Variants in AUH observed in about 807,000 individuals in gnomAD.
AUH encodes AU RNA binding methylglutaconyl-CoA hydratase, also known as methylglutaconyl-CoA hydratase, mitochondrial.
A neutral mutation model predicts 42.3 loss-of-function variants in AUH; 29 were observed. The ratio of observed to expected loss-of-function variants is 0.69; its 90% CI spans 0.51 to 0.93. AUH has a LOEUF of 0.93. Among genes scored for constraint, AUH ranks in the 40% least tolerant of loss-of-function variants. The pLI is 0.00. For missense variants in AUH, 452 were observed against 438.1 expected, an observed-to-expected ratio of 1.03 and a Z score of -0.28; for synonymous variants, 174 against 166.4, an observed-to-expected ratio of 1.05 and a Z score of -0.35.
chr9:91,297,131 T>C (rs937897123), intron 5 of AUH, among the ~76,000 whole-genome samples: 3 of 152,202 alleles, frequency 2.0e-5, no homozygotes, highest in African/African-American at 7.2e-5. Context: ...TACGTTGCTC[T>C]CATGAGGTAA....
At chr9:91,233,427 T>G (rs1364130210) in intron 6 of AUH, among the ~76,000 whole-genome samples, 2 of 152,140 alleles carry the variant, frequency 1.3e-5, no homozygotes, top group Non-Finnish European at 2.9e-5. Context: ...CAAAAGGACC[T>G]GGGGTTTACT....
chr9:91,230,915 C>T (rs7031965), intron 6 of AUH, among the ~76,000 whole-genome samples: 208 of 152,144 alleles, frequency 1.4e-3, no homozygotes, highest in Middle Eastern at 0.01. Flanking sequence ...GCCCGTTCTC[C>T]GATCTCCAGC....
intron 1 of AUH, chr9:91,357,421 A>G (rs1036724409): frequency 2.4e-6 from 2 of 842,340 alleles, no homozygotes; most frequent in African/African-American, 3.7e-5. Context: ...CAGTTTCCTC[A>G]GGAAGAAAAT....
chr9:91,303,494 C>G (rs1170476418), intron 4 of AUH, among the ~76,000 whole-genome samples: 1 of 152,138 alleles, frequency 6.6e-6, no homozygotes, highest in Non-Finnish European at 1.5e-5. Flanking sequence ...CTACGCCCAG[C>G]TAATTTTTTG....
At chr9:91,326,003 T>C (rs1829944968) in intron 3 of AUH, among the ~76,000 whole-genome samples, 1 of 152,200 alleles carries the variant, frequency 6.6e-6, no homozygotes, top group African/African-American at 2.4e-5. Flanking sequence ...TTCATAATTA[T>C]GACTTTAGCA....
chr9:91,267,571 G>C (rs532031919), intron 6 of AUH, among the ~76,000 whole-genome samples: 9 of 152,054 alleles, frequency 5.9e-5, no homozygotes, highest in Admixed American at 2.0e-4. Flanking sequence ...AGAGTCTTCC[G>C]CAAGTGGAAA....
intron 6 of AUH, among the ~76,000 whole-genome samples, chr9:91,270,458 G>A (rs558756185): frequency 6.6e-6 from 1 of 152,212 alleles, no homozygotes; most frequent in South Asian, 2.1e-4. Flanking sequence ...AATAGATCCT[G>A]GACAGCTAAA....
At chr9:91,322,638 T>A (rs955323906) in intron 4 of AUH, among the ~76,000 whole-genome samples, 2 of 152,230 alleles carry the variant, frequency 1.3e-5, no homozygotes, top group African/African-American at 4.8e-5. Context: ...TAAAATGATT[T>A]GTTCTGTATA....
At chr9:91,266,091 G>A (rs374668303) in intron 6 of AUH, among the ~76,000 whole-genome samples, 3 of 152,102 alleles carry the variant, frequency 2.0e-5, no homozygotes, top group South Asian at 2.1e-4. Context: ...GGCCGGGCAC[G>A]GTGGCTCATG....
At chr9:91,257,251 TCTCTGCCACAGAGACTACTAGAGA>T (rs778757078) in intron 6 of AUH, among the ~76,000 whole-genome samples, 16 of 151,962 alleles carry the variant, frequency 1.1e-4, no homozygotes, top group East Asian at 1.9e-4. Context: ...CAGCTAGTAG[TCTCTGCCACAGAGACTACTAGAGA>T]CTCTGCCACA....
At chr9:91,347,263 C>A (rs1051533546) in intron 3 of AUH, among the ~76,000 whole-genome samples, 1 of 151,212 alleles carries the variant, frequency 6.6e-6, no homozygotes, top group Non-Finnish European at 1.5e-5. Context: ...TGGGGTTTTG[C>A]CATGTTACCC....
At chr9:91,332,560 G>A (rs1213240055) in intron 3 of AUH, among the ~76,000 whole-genome samples, 1 of 152,116 alleles carries the variant, frequency 6.6e-6, no homozygotes, top group Non-Finnish European at 1.5e-5. Flanking sequence ...TGAAGAATGA[G>A]GAGGTTCATA....
chr9:91,238,183 C>T (rs950770250), intron 6 of AUH, among the ~76,000 whole-genome samples: 1 of 152,126 alleles, frequency 6.6e-6, no homozygotes, highest in African/African-American at 2.4e-5. Context: ...TCACAAATGA[C>T]CACTGTTAGA....
At chr9:91,294,751 C>T (rs1827185134) in intron 6 of AUH, 1 of 455,856 alleles carries the variant, frequency 2.2e-6, no homozygotes, top group Non-Finnish European at 4.4e-6. Flanking sequence ...TGATTCCAAT[C>T]TTCATGGATG....
At chr9:91,334,470 C>G (rs201272561) in intron 3 of AUH, among the ~76,000 whole-genome samples, 1 of 151,270 alleles carries the variant, frequency 6.6e-6, no homozygotes, top group South Asian at 2.1e-4. Context: ...CTCATCTTCC[C>G]CTGCCCTTGG....
At chr9:91,283,710 C>A (rs1329886254) in intron 6 of AUH, among the ~76,000 whole-genome samples, 2 of 152,140 alleles carry the variant, frequency 1.3e-5, no homozygotes, top group Admixed American at 1.3e-4. Context: ...CTCCCATTCA[C>A]AATTCCTTCA....
At chr9:91,220,560 C>T (rs1827071757) in intron 7 of AUH, among the ~76,000 whole-genome samples, 2 of 152,144 alleles carry the variant, frequency 1.3e-5, no homozygotes, top group South Asian at 4.1e-4. Flanking sequence ...CAAGCATTGT[C>T]AAGGGATATT....
chr9:91,241,614 GAA>G (rs1223055376), intron 6 of AUH, among the ~76,000 whole-genome samples: 1 of 151,998 alleles, frequency 6.6e-6, no homozygotes, highest in South Asian at 2.1e-4. Context: ...CAGCCCTAAA[GAA>G]AAGTCTTGAT....
intron 6 of AUH, among the ~76,000 whole-genome samples, chr9:91,229,754 G>T (rs1229452795): frequency 6.6e-6 from 1 of 151,182 alleles, no homozygotes; most frequent in Non-Finnish European, 1.5e-5. Context: ...AGGCCTGGTG[G>T]TGACAAAATC....
Sources: allele counts gnomAD v4.1 joint callset (sites outside exome capture counted in the v4.1 genomes callset), GRCh38; gene constraint gnomAD v4.1.1; transcripts MANE v1.5; gene names NCBI Gene and HGNC (gene_info 2026-07-23, HGNC 2026-07-21).